Variants in ADRA1B observed in about 807,000 individuals in gnomAD.
ADRA1B encodes adrenoceptor alpha 1B, also known as alpha-1B adrenergic receptor.
In ADRA1B, 17 loss-of-function variants were observed where a neutral mutation model predicts 17.9. That is an observed-to-expected ratio of 0.95 (90% confidence interval 0.65 to 1.42). The LOEUF (loss-of-function observed/expected upper bound fraction) is 1.42, where lower values mean the gene tolerates loss of function less well. Among genes scored for constraint, ADRA1B ranks in the 40% most tolerant of loss-of-function variants. The pLI is 0.00. For synonymous variants in ADRA1B, 366 were observed against 327.6 expected, an observed-to-expected ratio of 1.12 and a Z score of -1.27; for missense variants, 681 against 722.1, an observed-to-expected ratio of 0.94 and a Z score of 0.65.
chr5:159,912,716 T>C (rs928622170), upstream of ADRA1B, among the ~76,000 whole-genome samples: 3 of 152,268 alleles, frequency 2.0e-5, no homozygotes, highest in Admixed American at 6.5e-5. Context: ...TCACAGAACC[T>C]CTCTGAACGT....
chr5:159,921,377 C>T (rs1005602294), intron 1 of ADRA1B, among the ~76,000 whole-genome samples: 2 of 152,218 alleles, frequency 1.3e-5, no homozygotes, highest in Non-Finnish European at 2.9e-5. Flanking sequence ...GTATTTCTTA[C>T]TCCATGAGCC....
chr5:159,935,472 C>T (rs1754928264), intron 1 of ADRA1B, among the ~76,000 whole-genome samples: 1 of 151,836 alleles, frequency 6.6e-6, no homozygotes, highest in Admixed American at 6.6e-5. Context: ...GGCGCCCCAC[C>T]CCTCATCTCA....
chr5:159,887,382 T>A (rs78549434), intron 1 of ADRA1B, among the ~76,000 whole-genome samples: 2,508 of 152,346 alleles, frequency 0.016, 65 homozygotes, highest in African/African-American at 0.058. Context: ...ATAGGACAAC[T>A]AAGCTTCAGT....
the ADRA1B span, among the ~76,000 whole-genome samples, chr5:159,988,769 G>C: frequency 6.6e-6 from 1 of 152,098 alleles, no homozygotes; most frequent in Non-Finnish European, 1.5e-5. Flanking sequence ...TTGAGCCCAG[G>C]AACTTGAGAC....
intron 1 of ADRA1B, among the ~76,000 whole-genome samples, chr5:159,924,920 T>G (rs1387321949): frequency 2.6e-5 from 4 of 152,250 alleles, no homozygotes; most frequent in Non-Finnish European, 4.4e-5. Flanking sequence ...CCAGGCTTAC[T>G]GTGCTCTCCA....
chr5:159,944,425 A>T (rs912209295), intron 1 of ADRA1B, among the ~76,000 whole-genome samples: 1 of 152,240 alleles, frequency 6.6e-6, no homozygotes, highest in East Asian at 1.9e-4. Context: ...GATCTCTGTT[A>T]ATCAGTTAAT....
chr5:159,984,494 A>G, the ADRA1B span, among the ~76,000 whole-genome samples: 2 of 152,186 alleles, frequency 1.3e-5, no homozygotes, highest in Admixed American at 1.3e-4. Context: ...CCACCACTGC[A>G]TCTTCTCCAG....
At chr5:159,905,626 G>T (rs534121672) in intron 1 of ADRA1B, among the ~76,000 whole-genome samples, 3 of 152,320 alleles carry the variant, frequency 2.0e-5, no homozygotes, top group African/African-American at 7.2e-5. Context: ...CTGAAGCCTA[G>T]GGAGAGAGAC....
chr5:159,960,942 A>G (rs1440822064), intron 1 of ADRA1B, among the ~76,000 whole-genome samples: 1 of 152,234 alleles, frequency 6.6e-6, no homozygotes, highest in Non-Finnish European at 1.5e-5. Flanking sequence ...AGAGTCAGAC[A>G]TGAACCCTCT....
intron 1 of ADRA1B, among the ~76,000 whole-genome samples, chr5:159,871,910 G>A (rs1401162124): frequency 6.6e-6 from 1 of 152,148 alleles, no homozygotes; most frequent in Non-Finnish European, 1.5e-5. Flanking sequence ...TCTCTCTGCA[G>A]GGTCTCCTCC....
intron 1 of ADRA1B, among the ~76,000 whole-genome samples, chr5:159,951,698 C>A (rs944871299): frequency 6.6e-6 from 1 of 152,204 alleles, no homozygotes; most frequent in African/African-American, 2.4e-5. Flanking sequence ...CCATAGCCAC[C>A]TTTGGGGTCT....
At position 159,965,559 on chromosome 5, in the gene ADRA1B, C is replaced by T. The variant is rs1310849260; in HGVS notation, c.950-6320C>T. 5.3e-5 allele frequency among the ~76,000 whole-genome samples: 8 copies of T among 152,212 alleles called. No individual in the cohort carries two copies. The South Asian group carries it at 1.4e-3, about 28-fold the overall frequency. On this transcript the variant is annotated intron_variant, in intron 1 of 1. Coordinates refer to ENST00000306675, the MANE Select transcript of ADRA1B (RefSeq NM_000679.4). ...GCCACACATCCTCTTACATGCCTAA[C>T]AGGCTTAGCATCTTGTTACTTAACG... is the stretch of plus-strand genomic sequence containing the variant.
At chr5:159,871,300 G>T (rs969311865) in intron 1 of ADRA1B, 7 of 152,186 alleles carry the variant, frequency 4.6e-5, no homozygotes, top group Non-Finnish European at 1.0e-4. Flanking sequence ...CAGCTCAGTG[G>T]CCCATTATAA....
At chr5:159,943,889 TTCTCTCTC>T (rs34807519) in intron 1 of ADRA1B, among the ~76,000 whole-genome samples, 2 of 139,846 alleles carry the variant, frequency 1.4e-5, no homozygotes, top group Non-Finnish European at 3.0e-5. Flanking sequence ...TTGGCTCTCA[TTCTCTCTC>T]TCTCTCTGTC....
intron 1 of ADRA1B, among the ~76,000 whole-genome samples, chr5:159,925,690 A>G (rs1432576317): frequency 6.6e-6 from 1 of 152,172 alleles, no homozygotes; most frequent in Non-Finnish European, 1.5e-5. Context: ...ATACAGAAAG[A>G]AAAGACTGTA....
chr5:159,974,253 C>A (rs952892644), downstream of ADRA1B, among the ~76,000 whole-genome samples: 2 of 152,186 alleles, frequency 1.3e-5, no homozygotes, highest in Non-Finnish European at 2.9e-5. Context: ...TTCCTTATTG[C>A]AAATGCCTTC....
At chr5:159,883,750 A>ATGAACATC (rs1283168943) in intron 1 of ADRA1B, among the ~76,000 whole-genome samples, 2 of 152,246 alleles carry the variant, frequency 1.3e-5, no homozygotes, top group Non-Finnish European at 2.9e-5. Context: ...GAAGAGGGTG[A>ATGAACATC]TGAACATCTT....
At chr5:159,969,928 AT>A (rs67558049) in intron 1 of ADRA1B, among the ~76,000 whole-genome samples, 4,893 of 151,208 alleles carry the variant, frequency 0.032, 273 homozygotes, top group African/African-American at 0.11. Flanking sequence ...TATTAATTGC[AT>A]TTTTTTAAAA....
At chr5:159,874,696 T>G (rs1036306625) in intron 1 of ADRA1B, among the ~76,000 whole-genome samples, 2 of 152,232 alleles carry the variant, frequency 1.3e-5, no homozygotes, top group Non-Finnish European at 2.9e-5. Flanking sequence ...GCCTGAAGAA[T>G]TAAATTAAAC....
Sources: gnomAD v4.1 joint callset for allele counts (sites outside exome capture counted in the v4.1 genomes callset) on GRCh38, gnomAD v4.1.1 for gene constraint, MANE v1.5 for transcripts, NCBI Gene and HGNC (gene_info 2026-07-23, HGNC 2026-07-21) for gene names.